The following DMXL2 variants were observed in gnomAD, a reference collection of about 807,000 sequenced individuals.
DMXL2 encodes the protein Dmx like 2.
Under a neutral mutation model 331.1 loss-of-function variants are expected in DMXL2, and 103 were observed. That is an observed-to-expected ratio of 0.31 (90% CI 0.27 to 0.37). The LOEUF (loss-of-function observed/expected upper bound fraction) is 0.37, where lower values mean the gene tolerates loss of function less well. DMXL2 is among the 10% of genes least tolerant of loss of function. The pLI is 1.00. For synonymous variants in DMXL2, 1,281 were observed against 1,252.1 expected, an observed-to-expected ratio of 1.02 and a Z score of -0.49; for missense variants, 3,171 against 3,642.9, an observed-to-expected ratio of 0.87 and a Z score of 3.33.
At chr15:51,599,441 T>C (rs2053071622) in intron 1 of DMXL2, among the ~76,000 whole-genome samples, 1 of 152,180 alleles carries the variant, frequency 6.6e-6, no homozygotes, top group South Asian at 2.1e-4. Flanking sequence ...CACACACATA[T>C]CTATTTTCAA....
At chr15:51,616,746 G>T (rs575720240) in intron 1 of DMXL2, among the ~76,000 whole-genome samples, 1 of 152,096 alleles carries the variant, frequency 6.6e-6, no homozygotes, top group South Asian at 2.1e-4. Flanking sequence ...AAGCCAGCCT[G>T]GCCAACATCG....
rs372443810 is a variant in DMXL2 at position 51,601,177 on chromosome 15, G to A, written c.87+21282C>T. 1.1e-4 allele frequency among the ~76,000 whole-genome samples: 17 copies of A among 151,692 alleles called. No individual in the cohort carries two copies. In the East Asian group the frequency reaches 1.8e-3, roughly 16 times the overall value. On this transcript the variant is annotated intron_variant, in intron 1 of 43. Transcript: ENST00000560891. Reference sequence around the variant, plus strand: ...GTGGTGGCAGGCGCCTGTAGTCCCAGCTACTCGGGAGGCTGAGGCAGGAGA... The same window carrying A: ...GTGGTGGCAGGCGCCTGTAGTCCCAACTACTCGGGAGGCTGAGGCAGGAGA...
chr15:51,499,302 T>C lies in DMXL2; in HGVS notation c.3922A>G (p.Arg1308Gly), dbSNP rs779889954. The C allele has an allele frequency of 1.2e-5, 19 of 1,613,862 alleles. No homozygotes were observed. Among genetic ancestry groups the C allele is most frequent in the Middle Eastern group, 1.6e-4 (1 of 6,084 alleles). ...GCTGTTCCTTCAACAACACTTTTTC[T>C]TGCCAGCATATTAGATTTAAAGGTC... ...HSTFKSNMLA[R>G]KSVVEGTAIS... The change falls in exon 18 of 44, where the codon AGA becomes GGA. Residue 1308 changes from arginine to glycine, a missense_variant. Physicochemically the swap from Arg to Gly is moderately radical, Grantham distance 125. Coordinates refer to ENST00000560891, the MANE Select transcript of DMXL2 (RefSeq NM_001378457.1).
intron 6 of DMXL2, among the ~76,000 whole-genome samples, chr15:51,561,233 G>T (rs2049949095): frequency 6.6e-6 from 1 of 152,198 alleles, no homozygotes; most frequent in Non-Finnish European, 1.5e-5. Flanking sequence ...TAATCTCTCA[G>T]AATTGAAAGA....
chr15:51,508,919 T>A (rs1370232619), intron 15 of DMXL2, among the ~76,000 whole-genome samples: 7 of 152,136 alleles, frequency 4.6e-5, no homozygotes. Flanking sequence ...TGGTTTAAGA[T>A]CAATAATATT....
In DMXL2 at chr15:51,512,097, G is replaced by A. The variant is rs61628696; in HGVS notation, c.2644+2345C>T. ...AGGAGAAATACCTAATGTAGATGAT[G>A]GGTTGATAGGTGCAGCAAACCACCA... is the stretch of plus-strand genomic sequence containing the variant. On this transcript the variant is annotated intron_variant, in intron 15 of 43. Coordinates refer to ENST00000560891, the MANE Select transcript of DMXL2 (RefSeq NM_001378457.1). 6.3e-3 allele frequency among the ~76,000 whole-genome samples: 956 copies of A among 152,128 alleles called. 17 individuals are homozygous for A. The highest frequency in any genetic ancestry group is 0.022 in the African/African-American group (922 of 41,488).
intron 15 of DMXL2, 47 bp downstream of exon 15, chr15:51,514,395 T>G (rs963974543): frequency 8.8e-7 from 1 of 1,135,904 alleles, no homozygotes; most frequent in Non-Finnish European, 1.3e-6. Context: ...TTAGAGATCA[T>G]TTTTTAGCAT....
chr15:51,487,367 G>T (rs1402273273), intron 22 of DMXL2, among the ~76,000 whole-genome samples: 1 of 152,160 alleles, frequency 6.6e-6, no homozygotes, highest in Admixed American at 6.5e-5. Context: ...TCACAAGATG[G>T]TCTGGAAGAA....
At chr15:51,476,486 A>G in intron 27 of DMXL2, 103 bp downstream of exon 27, 1 of 1,307,834 alleles carries the variant, frequency 7.6e-7, no homozygotes, top group Non-Finnish European at 1.1e-6. Flanking sequence ...AAAGAAAGGA[A>G]CCACTCACTA....
chr15:51,600,079 G>C (rs188783728), intron 1 of DMXL2, among the ~76,000 whole-genome samples: 2 of 152,256 alleles, frequency 1.3e-5, no homozygotes, highest in East Asian at 3.9e-4. Flanking sequence ...ATTTCTATCT[G>C]CAATTGTGGT....
intron 6 of DMXL2, among the ~76,000 whole-genome samples, chr15:51,562,756 C>T (rs988253787): frequency 2.6e-5 from 4 of 152,092 alleles, no homozygotes; most frequent in East Asian, 3.8e-4. Context: ...TTCTGATTTA[C>T]CCAAAATCAT....
In DMXL2 at chr15:51,537,472, C is replaced by A; in HGVS notation, c.1617+16G>T. The stretch of plus-strand genomic sequence containing the variant: ...ATTTTAAGAAATGTAATAACTATTT[C>A]ATCAATAAAATATACCTGAACTTGT... On this transcript the variant is annotated intron_variant, in intron 11 of 43. Coordinates refer to ENST00000560891, the MANE Select transcript of DMXL2 (RefSeq NM_001378457.1). The A allele has an allele frequency of 6.3e-7, 1 of 1,582,030 alleles. No homozygotes were observed.
chr15:51,556,546 G>A lies in DMXL2; in HGVS notation c.567+6835C>T, dbSNP rs78588190. On this transcript the variant is annotated intron_variant, in intron 6 of 43. Transcript: ENST00000560891. ...CCAGCAGTATGGGAGGCCGAGGCAG[G>A]TGGATCATCTGAGGTCAGGAGTTCG... is the stretch of plus-strand genomic sequence containing the variant. Among the ~76,000 whole-genome samples, 394 of 152,126 alleles carry A rather than the reference G, an allele frequency of 2.6e-3. 17 individuals are homozygous for A. In the East Asian group the frequency reaches 0.062, roughly 24 times the overall value.
intron 40 of DMXL2, chr15:51,454,050 C>A: frequency 5.8e-6 from 1 of 171,282 alleles, no homozygotes; most frequent in Non-Finnish European, 1.2e-5. Context: ...AAATATAATG[C>A]ATGTTTTTCT....
At chr15:51,502,775 C>T in intron 17 of DMXL2, 31 bp downstream of exon 17, 1 of 1,464,626 alleles carries the variant, frequency 6.8e-7, no homozygotes, top group Non-Finnish European at 9.6e-7. Context: ...TCACTCTGAG[C>T]TACCACTGCC....
intron 13 of DMXL2, among the ~76,000 whole-genome samples, chr15:51,531,162 T>G (rs921223270): frequency 6.6e-6 from 1 of 152,134 alleles, no homozygotes; most frequent in African/African-American, 2.4e-5. Context: ...CAAAACAGCA[T>G]GGTACTGGCA....
chr15:51,488,132 C>T lies in DMXL2; in HGVS notation c.5052-13G>A. 1 of 1,577,584 alleles carries T rather than the reference C, an allele frequency of 6.3e-7. No individual in the cohort carries two copies. The highest frequency in any genetic ancestry group is 8.6e-7 in the Non-Finnish European group (1 of 1,164,528). ...ATCATGCTGTGACCTGGGGACCGAG[C>T]ATAAACATAAAGTGGTTAAACCAAA... On this transcript the variant is annotated splice_polypyrimidine_tract_variant and intron_variant, in intron 21 of 43. Coordinates refer to ENST00000560891, the MANE Select transcript of DMXL2 (RefSeq NM_001378457.1).
intron 19 of DMXL2, among the ~76,000 whole-genome samples, chr15:51,492,105 A>G (rs1463190895): frequency 2.6e-5 from 4 of 152,256 alleles, no homozygotes; most frequent in East Asian, 3.8e-4. Flanking sequence ...CCAAGCTCAC[A>G]TAACTAGGAA....
intron 31 of DMXL2, among the ~76,000 whole-genome samples, chr15:51,465,225 G>T (rs1255718200): frequency 6.6e-6 from 1 of 152,034 alleles, no homozygotes; most frequent in Non-Finnish European, 1.5e-5. Flanking sequence ...ATGTAACTTT[G>T]TCTCTTACAA....
Sources: allele counts gnomAD v4.1 joint callset (sites outside exome capture counted in the v4.1 genomes callset), GRCh38; gene constraint gnomAD v4.1.1; transcripts MANE v1.5; gene names NCBI Gene and HGNC (gene_info 2026-07-23, HGNC 2026-07-21).